The following GRIP1 variants were observed in gnomAD, a reference collection of about 807,000 sequenced individuals.
GRIP1 encodes the protein glutamate receptor interacting protein 1, also known as glutamate receptor-interacting protein 1.
Under a neutral mutation model 129.9 loss-of-function variants are expected in GRIP1, and 45 were observed. That is an observed-to-expected ratio of 0.35 (90% confidence interval 0.27 to 0.44). GRIP1 has a LOEUF of 0.44. GRIP1 is among the 20% of genes least tolerant of loss of function. The pLI, the probability that GRIP1 is intolerant of heterozygous loss-of-function variation, is 1.00. For missense variants in GRIP1, 1,196 were observed against 1,396.8 expected (o/e 0.86, Z 2.29); for synonymous variants, 530 against 520.8 (o/e 1.02, Z -0.24).
chr12:66,494,612 C>T (rs1036416708), intron 7 of GRIP1, among the ~76,000 whole-genome samples: 20 of 152,082 alleles, frequency 1.3e-4, no homozygotes, highest in African/African-American at 4.1e-4. Flanking sequence ...GTGGCTCATG[C>T]CTATAATCCC....
intron 1 of GRIP1, among the ~76,000 whole-genome samples, chr12:66,992,542 ATG>A (rs1194589689): frequency 6.8e-5 from 6 of 88,402 alleles, no homozygotes; most frequent in Non-Finnish European, 1.1e-4. Flanking sequence ...AAGATAAGAC[ATG>A]TGCTATCAAC....
chr12:66,991,059 G>A (rs1275525988), intron 1 of GRIP1, among the ~76,000 whole-genome samples: 1 of 151,092 alleles, frequency 6.6e-6, no homozygotes, highest in Non-Finnish European at 1.5e-5. Flanking sequence ...GGATCACGAG[G>A]TCAGGAGACG....
At chr12:66,678,143 C>A (rs2034425528) in intron 1 of GRIP1, among the ~76,000 whole-genome samples, 1 of 152,030 alleles carries the variant, frequency 6.6e-6, no homozygotes, top group Non-Finnish European at 1.5e-5. Flanking sequence ...AACGAGATGG[C>A]ACATCCAGAA....
At chr12:66,573,929 G>T (rs577890107) in intron 2 of GRIP1, among the ~76,000 whole-genome samples, 12 of 152,244 alleles carry the variant, frequency 7.9e-5, no homozygotes, top group Admixed American at 2.0e-4. Flanking sequence ...TGGCCTATGA[G>T]TTCTAGTTCT....
intron 1 of GRIP1, among the ~76,000 whole-genome samples, chr12:66,948,104 C>T (rs943350895): frequency 2.6e-5 from 4 of 152,132 alleles, no homozygotes; most frequent in South Asian, 2.1e-4. Flanking sequence ...AACCTAAAAC[C>T]GGATGATGTG....
intron 1 of GRIP1, among the ~76,000 whole-genome samples, chr12:66,653,776 C>G (rs1001540517): frequency 6.6e-6 from 1 of 152,102 alleles, no homozygotes; most frequent in African/African-American, 2.4e-5. Flanking sequence ...AAATTTAAAA[C>G]AAAATTTAGG....
At chr12:66,927,935 GAGA>G (rs1281074639) in intron 1 of GRIP1, among the ~76,000 whole-genome samples, 2 of 152,188 alleles carry the variant, frequency 1.3e-5, no homozygotes, top group African/African-American at 4.8e-5. Context: ...TCTCTGATTG[GAGA>G]AGATGTTCTT....
chr12:66,935,788 GC>G (rs1408046435), intron 1 of GRIP1, among the ~76,000 whole-genome samples: 1 of 152,126 alleles, frequency 6.6e-6, no homozygotes, highest in African/African-American at 2.4e-5. Flanking sequence ...CTCTGCCTTT[GC>G]CTTATTTGAA....
chr12:66,484,601 C>A (rs1341309212), intron 7 of GRIP1, among the ~76,000 whole-genome samples: 5 of 151,946 alleles, frequency 3.3e-5, no homozygotes, highest in African/African-American at 2.4e-5. Context: ...TGGATGTTCT[C>A]ATTTATATGT....
intron 16 of GRIP1, among the ~76,000 whole-genome samples, chr12:66,405,937 G>A (rs770587255): frequency 6.6e-6 from 1 of 152,082 alleles, no homozygotes; most frequent in Non-Finnish European, 1.5e-5. Flanking sequence ...GTAAAAAAAT[G>A]CAACATTCAC....
intron 1 of GRIP1, among the ~76,000 whole-genome samples, chr12:67,020,187 T>C (rs1225376023): frequency 6.6e-6 from 1 of 152,206 alleles, no homozygotes; most frequent in African/African-American, 2.4e-5. Flanking sequence ...CACTCCACTT[T>C]TTATCATGTT....
At chr12:66,808,866 TG>T (rs1197270510), upstream of GRIP1, among the ~76,000 whole-genome samples, 1 of 152,134 alleles carries the variant, frequency 6.6e-6, no homozygotes, top group Non-Finnish European at 1.5e-5. Context: ...TTGTGAACAA[TG>T]GTTGAAGTAC....
intron 1 of GRIP1, among the ~76,000 whole-genome samples, chr12:66,753,008 C>T (rs2037174947): frequency 6.6e-6 from 1 of 152,270 alleles, no homozygotes; most frequent in African/African-American, 2.4e-5. Flanking sequence ...CATTTAAGAT[C>T]TTCTATAATC....
At chr12:66,808,586 T>A (rs185254751), upstream of GRIP1, among the ~76,000 whole-genome samples, 1 of 150,472 alleles carries the variant, frequency 6.6e-6, no homozygotes, top group Admixed American at 6.7e-5. Flanking sequence ...CATGAGCCAC[T>A]GTTTTTCTGT....
intron 16 of GRIP1, among the ~76,000 whole-genome samples, chr12:66,402,146 C>T (rs538930395): frequency 3.3e-5 from 5 of 152,350 alleles, no homozygotes; most frequent in Admixed American, 1.3e-4. Flanking sequence ...CAAATCCCTT[C>T]GAGACCAAGG....
At chr12:66,512,873 A>G (rs1014916668) in intron 7 of GRIP1, among the ~76,000 whole-genome samples, 7 of 152,150 alleles carry the variant, frequency 4.6e-5, no homozygotes, top group Non-Finnish European at 1.0e-4. Flanking sequence ...TTTCTGGAAG[A>G]CAATTGGAAT....
chr12:66,505,198 A>C (rs2060495343), intron 7 of GRIP1, among the ~76,000 whole-genome samples: 1 of 152,184 alleles, frequency 6.6e-6, no homozygotes, highest in South Asian at 2.1e-4. Context: ...TTCTCCAACT[A>C]GTAGTATGAG....
chr12:66,442,701 TA>T (rs1308120543), intron 13 of GRIP1, among the ~76,000 whole-genome samples: 1 of 149,906 alleles, frequency 6.7e-6, no homozygotes, highest in Non-Finnish European at 1.5e-5. Flanking sequence ...CAGGCTAATT[TA>T]AAAAAAATTT....
intron 1 of GRIP1, among the ~76,000 whole-genome samples, chr12:66,633,970 T>C (rs1349521608): frequency 3.3e-5 from 5 of 152,264 alleles, no homozygotes; most frequent in Admixed American, 2.0e-4. Context: ...ATATGATTCA[T>C]ATCCTTTCCT....
Sources: allele counts gnomAD v4.1 joint callset (sites outside exome capture counted in the v4.1 genomes callset), GRCh38; gene constraint gnomAD v4.1.1; transcripts MANE v1.5; gene names NCBI Gene and HGNC (gene_info 2026-07-23, HGNC 2026-07-21).